Variants in PHACTR1 observed in about 807,000 individuals in gnomAD.
PHACTR1 encodes the protein RPEL repeat containing 1.
In PHACTR1, 16 loss-of-function variants were observed where a neutral mutation model predicts 69.2. The observed-to-expected ratio is 0.23, with a 90% confidence interval of 0.16 to 0.35. The LOEUF (loss-of-function observed/expected upper bound fraction) is 0.35. Among genes scored for constraint, PHACTR1 ranks in the 10% least tolerant of loss-of-function variants. The pLI is 1.00. For missense variants in PHACTR1, 510 were observed against 734.7 expected, an observed-to-expected ratio of 0.69 and a Z score of 3.54; for synonymous variants, 312 against 284.5, an observed-to-expected ratio of 1.10 and a Z score of -0.97.
chr6:13,014,261 C>T (rs960530458), intron 4 of PHACTR1, among the ~76,000 whole-genome samples: 10 of 152,138 alleles, frequency 6.6e-5, no homozygotes, highest in African/African-American at 2.4e-4. Context: ...GGGACATCCG[C>T]ACTCCACCCA....
At chr6:13,098,425 T>C (rs1308321789) in intron 5 of PHACTR1, among the ~76,000 whole-genome samples, 2 of 152,216 alleles carry the variant, frequency 1.3e-5, no homozygotes, top group Non-Finnish European at 2.9e-5. Context: ...GGCCTTCGCT[T>C]TGGGACTCCC....
chr6:12,965,520 G>A lies in PHACTR1; in HGVS notation c.251-87845G>A, dbSNP rs151168664. Among the ~76,000 whole-genome samples the A allele has an allele frequency of 4.0e-3, 596 of 148,328 alleles. 5 individuals are homozygous for A. The highest frequency in any genetic ancestry group is 0.013 in the African/African-American group (511 of 40,124). On this transcript the variant is annotated intron_variant, in intron 4 of 14. Transcript: ENST00000332995. ...TTTGCTGTTTAGAATGGCCCCAAGC[G>A]TCATGCTGAAGTGCGATGCAGTGCT...
intron 4 of PHACTR1, among the ~76,000 whole-genome samples, chr6:12,766,074 A>G (rs925075472): frequency 6.6e-6 from 1 of 152,196 alleles, no homozygotes; most frequent in Non-Finnish European, 1.5e-5. Flanking sequence ...CCTAGGAACT[A>G]TCATCACTGT....
intron 4 of PHACTR1, among the ~76,000 whole-genome samples, chr6:12,914,920 G>C (rs1291972473): frequency 6.6e-6 from 1 of 152,210 alleles, no homozygotes; most frequent in Non-Finnish European, 1.5e-5. Context: ...ATTTGGCTGA[G>C]TTGTCCACAC....
intron 4 of PHACTR1, among the ~76,000 whole-genome samples, chr6:13,040,748 G>A (rs887427408): frequency 1.3e-5 from 2 of 152,150 alleles, no homozygotes; most frequent in Non-Finnish European, 2.9e-5. Flanking sequence ...TCTTTAATGA[G>A]CACCCACAAA....
chr6:12,736,245 A>G (rs909328154), intron 3 of PHACTR1, among the ~76,000 whole-genome samples: 20 of 152,326 alleles, frequency 1.3e-4, no homozygotes, highest in African/African-American at 4.8e-4. Flanking sequence ...AGTTAATGAT[A>G]TTCATCCCCA....
chr6:13,086,019 ATTTCTAAATT>A (rs1285374590), intron 5 of PHACTR1, among the ~76,000 whole-genome samples: 1 of 147,340 alleles, frequency 6.8e-6, no homozygotes, highest in African/African-American at 2.6e-5. Context: ...ATTTGAAAAT[ATTTCTAAATT>A]GAGTAAAAAT....
intron 4 of PHACTR1, among the ~76,000 whole-genome samples, chr6:12,941,081 A>G (rs1036122982): frequency 2.0e-5 from 3 of 152,190 alleles, no homozygotes; most frequent in Non-Finnish European, 1.5e-5. Context: ...CATCAATCTC[A>G]TATGAGCAAT....
chr6:12,991,614 C>A (rs1796828736), intron 4 of PHACTR1, among the ~76,000 whole-genome samples: 1 of 152,166 alleles, frequency 6.6e-6, no homozygotes, highest in Non-Finnish European at 1.5e-5. Context: ...ATAACTATAA[C>A]TGAACTGAAA....
chr6:13,051,686 GTCT>G lies in PHACTR1; in HGVS notation c.251-1675_251-1673del, dbSNP rs1368547553. ...TAAGCCCAAAGTGACCTCCCTCGAGGTCTTCTCCAATGCTGTGAAGCAGAATTA... is the reference window on the plus strand; with the variant it reads ...TAAGCCCAAAGTGACCTCCCTCGAGGTCTCCAATGCTGTGAAGCAGAATTA... On this transcript the variant is annotated intron_variant, in intron 4 of 14. Coordinates refer to ENST00000332995, the MANE Select transcript of PHACTR1 (RefSeq NM_030948.6). Among the ~76,000 whole-genome samples the G allele has an allele frequency of 2.0e-5, 3 of 152,134 alleles. No homozygotes were observed. In the East Asian group the frequency reaches 5.8e-4, roughly 29 times the overall value.
intron 6 of PHACTR1, among the ~76,000 whole-genome samples, chr6:13,161,303 T>C (rs1561921385): frequency 6.6e-6 from 1 of 152,168 alleles, no homozygotes; most frequent in Non-Finnish European, 1.5e-5. Flanking sequence ...TGAACTTGCA[T>C]GCGTGCACCT....
At chr6:12,931,160 C>G (rs1359346044) in intron 4 of PHACTR1, among the ~76,000 whole-genome samples, 1 of 152,126 alleles carries the variant, frequency 6.6e-6, no homozygotes, top group Non-Finnish European at 1.5e-5. Context: ...CATTAATAGC[C>G]TGGAAGAGAG....
intron 4 of PHACTR1, among the ~76,000 whole-genome samples, chr6:12,806,217 G>A (rs1043197648): frequency 3.3e-5 from 5 of 152,140 alleles, no homozygotes; most frequent in Non-Finnish European, 7.3e-5. Context: ...TTCAACCGCA[G>A]TGTCTACCAT....
intron 5 of PHACTR1, among the ~76,000 whole-genome samples, chr6:13,058,847 T>C (rs1807206958): frequency 6.6e-6 from 1 of 152,070 alleles, no homozygotes; most frequent in Non-Finnish European, 1.5e-5. Context: ...AATGGAGAGC[T>C]GAGTGTCGTG....
chr6:12,794,949 GA>G (rs1180989979), intron 4 of PHACTR1, among the ~76,000 whole-genome samples: 1 of 152,184 alleles, frequency 6.6e-6, no homozygotes, highest in Admixed American at 6.5e-5. Context: ...GGGCTGTGAA[GA>G]GAGAAGGGGG....
At chr6:12,729,748 G>T (rs1763249986) in intron 3 of PHACTR1, among the ~76,000 whole-genome samples, 1 of 152,206 alleles carries the variant, frequency 6.6e-6, no homozygotes, top group African/African-American at 2.4e-5. Flanking sequence ...GCAAGGAGAG[G>T]CATCAGGAGG....
chr6:12,920,846 A>T (rs1045888335), intron 4 of PHACTR1, among the ~76,000 whole-genome samples: 9 of 152,240 alleles, frequency 5.9e-5, no homozygotes, highest in Non-Finnish European at 1.2e-4. Context: ...AGGGACTGGA[A>T]AATAGAACCC....
intron 7 of PHACTR1, 67 bp downstream of exon 7, chr6:13,182,753 T>G (rs1762353876): frequency 5.6e-6 from 8 of 1,435,998 alleles, no homozygotes. Flanking sequence ...CAGGGATCTT[T>G]GGCCTGGCTG....
intron 4 of PHACTR1, among the ~76,000 whole-genome samples, chr6:13,000,971 G>A (rs774379216): frequency 6.6e-5 from 10 of 152,186 alleles, no homozygotes; most frequent in Admixed American, 1.3e-4. Context: ...TTTGGCAACC[G>A]AAGAATGTAT....
Sources: gnomAD v4.1 joint callset for allele counts (sites outside exome capture counted in the v4.1 genomes callset) on GRCh38, gnomAD v4.1.1 for gene constraint, MANE v1.5 for transcripts, NCBI Gene and HGNC (gene_info 2026-07-23, HGNC 2026-07-21) for gene names.